Variants in PDK1 observed in about 807,000 individuals in gnomAD.
PDK1 encodes the protein [Pyruvate dehydrogenase (acetyl-transferring)] kinase isozyme 1, mitochondrial.
Under a neutral mutation model 54.2 loss-of-function variants are expected in PDK1, and 39 were observed. The observed-to-expected ratio is 0.72, with a 90% CI of 0.56 to 0.94. The LOEUF is 0.94. Among genes scored for constraint, PDK1 ranks in the 40% least tolerant of loss-of-function variants. PDK1 has a pLI of 0.00. For missense variants in PDK1, 552 were observed against 566.0 expected (o/e 0.98, Z 0.25); for synonymous variants, 221 against 207.1 (o/e 1.07, Z -0.58).
chr2:172,620,692 T>C, the PDK1 span, among the ~76,000 whole-genome samples: 1 of 152,176 alleles, frequency 6.6e-6, no homozygotes, highest in East Asian at 1.9e-4. Flanking sequence ...TTCATGATAG[T>C]GAGTTCTCGC....
At chr2:172,673,930 A>G in the PDK1 span, among the ~76,000 whole-genome samples, 1 of 152,228 alleles carries the variant, frequency 6.6e-6, no homozygotes, top group Non-Finnish European at 1.5e-5. Flanking sequence ...ACCTTGGAGC[A>G]TGGTAGGGGA....
At chr2:172,639,296 TA>T in the PDK1 span, among the ~76,000 whole-genome samples, 1 of 152,202 alleles carries the variant, frequency 6.6e-6, no homozygotes, top group East Asian at 1.9e-4. Context: ...GCTACACAGT[TA>T]CAAGAATTCA....
At chr2:172,579,219 G>A (rs1210511165) in intron 8 of PDK1, among the ~76,000 whole-genome samples, 1 of 152,044 alleles carries the variant, frequency 6.6e-6, no homozygotes, top group Non-Finnish European at 1.5e-5. Context: ...ACTTCTAATT[G>A]TTTTTGACAG....
At chr2:172,562,350 T>G (rs1688699366) in intron 3 of PDK1, 59 bp downstream of exon 3, 5 of 1,044,424 alleles carry the variant, frequency 4.8e-6, no homozygotes, top group Non-Finnish European at 7.5e-6. Flanking sequence ...TGGGGGAAAT[T>G]GGTTAACTTT....
rs113438619 is a variant in PDK1, at chr2:172,599,316, C to T, written c.*3347C>T. The T allele has an allele frequency of 1.6e-4, 24 of 152,172 alleles. No individual in the cohort carries two copies. Among genetic ancestry groups the T allele is most frequent in the Non-Finnish European group, 2.9e-4 (20 of 67,998 alleles). 9.4% of individuals were successfully genotyped at this position (152,172 alleles called of 1,614,324 possible). On this transcript the variant is annotated 3_prime_UTR_variant, in exon 11 of 11. Transcript: ENST00000282077. Reference sequence around the variant, plus strand: ...CTTCATTGTTGAAGCCAACAAGTTCCGTAACAGAACTCCAGAGGTAAATAG... The same window carrying T: ...CTTCATTGTTGAAGCCAACAAGTTCTGTAACAGAACTCCAGAGGTAAATAG...
At chr2:172,709,607 T>G in the PDK1 span, among the ~76,000 whole-genome samples, 1 of 152,208 alleles carries the variant, frequency 6.6e-6, no homozygotes, top group Non-Finnish European at 1.5e-5. Flanking sequence ...GTGTATCAAT[T>G]TCAGTTACCA....
chr2:172,595,184 C>A (rs564342328), intron 10 of PDK1, among the ~76,000 whole-genome samples: 1 of 152,276 alleles, frequency 6.6e-6, no homozygotes, highest in South Asian at 2.1e-4. Flanking sequence ...ATCCTCCTCT[C>A]TCAGTCTCCC....
At chr2:172,615,890 G>A in the PDK1 span, among the ~76,000 whole-genome samples, 1 of 152,190 alleles carries the variant, frequency 6.6e-6, no homozygotes, top group African/African-American at 2.4e-5. Flanking sequence ...GTCTTACTTT[G>A]CTACATGCTA....
chr2:172,684,151 T>C, the PDK1 span, among the ~76,000 whole-genome samples: 1 of 152,240 alleles, frequency 6.6e-6, no homozygotes, highest in Non-Finnish European at 1.5e-5. Context: ...CTGGGTGCAG[T>C]GGCTTATGCC....
the PDK1 span, among the ~76,000 whole-genome samples, chr2:172,675,333 G>A: frequency 3.3e-5 from 5 of 152,198 alleles, no homozygotes; most frequent in Admixed American, 2.6e-4. Context: ...CATGTTGGAA[G>A]CCAAGATTGG....
chr2:172,556,444 T>G (rs961024765), intron 1 of PDK1, 98 bp downstream of exon 1: 1 of 844,320 alleles, frequency 1.2e-6, no homozygotes, highest in Non-Finnish European at 1.7e-6. Context: ...AGCTCTCGCC[T>G]GAGGCGCACC....
chr2:172,585,485 C>G (rs1690173759), intron 8 of PDK1, among the ~76,000 whole-genome samples: 1 of 151,952 alleles, frequency 6.6e-6, no homozygotes, highest in South Asian at 2.1e-4. Context: ...GCCACCACAC[C>G]TGGCTAATTG....
the PDK1 span, among the ~76,000 whole-genome samples, chr2:172,614,213 C>A: frequency 1.3e-5 from 2 of 150,998 alleles, no homozygotes; most frequent in Non-Finnish European, 3.0e-5. Context: ...TCAGGGGTAC[C>A]TGTTCAGACA....
At chr2:172,695,661 A>G in the PDK1 span, among the ~76,000 whole-genome samples, 1 of 152,148 alleles carries the variant, frequency 6.6e-6, no homozygotes, top group Non-Finnish European at 1.5e-5. Context: ...CCTCCATCTT[A>G]CTAGGAGACT....
chr2:172,663,588 G>T, the PDK1 span, among the ~76,000 whole-genome samples: 1 of 152,228 alleles, frequency 6.6e-6, no homozygotes, highest in Non-Finnish European at 1.5e-5. Flanking sequence ...TCCTGTGACA[G>T]CCAGGTGGGA....
At chr2:172,698,660 A>G in the PDK1 span, among the ~76,000 whole-genome samples, 1 of 152,236 alleles carries the variant, frequency 6.6e-6, no homozygotes, top group African/African-American at 2.4e-5. Flanking sequence ...GGGAAGCCTC[A>G]GCATTCACAT....
chr2:172,641,598 C>A, the PDK1 span, among the ~76,000 whole-genome samples: 5 of 152,018 alleles, frequency 3.3e-5, no homozygotes, highest in African/African-American at 9.7e-5. Context: ...CCCGCCACCA[C>A]GCCCGGCTAA....
chr2:172,596,185 CAT>C lies in PDK1; in HGVS notation c.*219_*220del, dbSNP rs1362965657. Reference sequence around the variant, plus strand: ...ACTTATATTTTCACAGTTAATTGAACATATTTTTAAACAACTGTAGTTTTGGG... The same window carrying C: ...ACTTATATTTTCACAGTTAATTGAACATTTTTAAACAACTGTAGTTTTGGG... On this transcript the variant is annotated 3_prime_UTR_variant, in exon 11 of 11. Transcript: ENST00000282077. 2 of 376,716 alleles carry C rather than the reference CAT, an allele frequency of 5.3e-6. No homozygotes were observed. The highest frequency in any genetic ancestry group is 9.5e-6 in the Non-Finnish European group (2 of 210,002). 23.3% of individuals were successfully genotyped at this position (376,716 alleles called of 1,614,324 possible).
intron 10 of PDK1, among the ~76,000 whole-genome samples, chr2:172,593,833 G>A (rs1690739648): frequency 2.0e-5 from 3 of 151,912 alleles, no homozygotes; most frequent in South Asian, 2.1e-4. Context: ...CCCCTTCTTC[G>A]GCTAACTGGT....
Sources: allele counts gnomAD v4.1 joint callset (sites outside exome capture counted in the v4.1 genomes callset), GRCh38; gene constraint gnomAD v4.1.1; transcripts MANE v1.5; gene names NCBI Gene and HGNC (gene_info 2026-07-23, HGNC 2026-07-21).